MYO10: variants seen among roughly 807,000 people sequenced by gnomAD.
The protein encoded by MYO10 is myosin X.
A neutral mutation model predicts 257.3 loss-of-function variants in MYO10; 133 were observed. The observed-to-expected ratio is 0.52, with a 90% CI of 0.45 to 0.60. MYO10 has a LOEUF of 0.60. Among genes scored for constraint, MYO10 ranks in the 20% least tolerant of loss-of-function variants. MYO10 has a pLI of 0.00. For synonymous variants in MYO10, 1,104 were observed against 1,028.6 expected, an observed-to-expected ratio of 1.07 and a Z score of -1.40; for missense variants, 2,399 against 2,635.7, an observed-to-expected ratio of 0.91 and a Z score of 1.97.
intron 2 of MYO10, among the ~76,000 whole-genome samples, chr5:16,848,259 A>G (rs1176384571): frequency 6.7e-6 from 1 of 149,344 alleles, no homozygotes; most frequent in Non-Finnish European, 1.5e-5. Flanking sequence ...CCTGGGTTCA[A>G]GCAATTCTCC....
chr5:16,742,188 T>C, intron 19 of MYO10: 1 of 985,418 alleles, frequency 1.0e-6, no homozygotes, highest in African/African-American at 1.7e-5. Flanking sequence ...AGTTGTGATC[T>C]TGGAAAATCC....
In MYO10 at chr5:16,734,803, C is replaced by T. The variant is rs563845347; in HGVS notation, c.1929+20025G>A. Among the ~76,000 whole-genome samples, 21 of 142,448 alleles carry T rather than the reference C, an allele frequency of 1.5e-4. No individual in the cohort carries two copies. The Middle Eastern group carries it at 0.01, about 70-fold the overall frequency. 93.5% of individuals were successfully genotyped at this position (142,448 alleles called of 152,430 possible). A position where few individuals can be genotyped will look rare whatever the true frequency, so the allele number is the denominator to read the frequency against. Reference sequence around the variant, plus strand: ...CTGGGTGACAAGCACGAAACTCTGTCTCAAAAAAAAAAAAAAGACTCCAAT... The same window carrying T: ...CTGGGTGACAAGCACGAAACTCTGTTTCAAAAAAAAAAAAAAGACTCCAAT... On this transcript the variant is annotated intron_variant, in intron 19 of 40. Coordinates refer to ENST00000513610, the MANE Select transcript of MYO10 (RefSeq NM_012334.3).
intron 2 of MYO10, among the ~76,000 whole-genome samples, chr5:16,837,665 CAT>C (rs1217817551): frequency 6.6e-6 from 1 of 152,148 alleles, no homozygotes; most frequent in Admixed American, 6.6e-5. Flanking sequence ...TTTTAATACA[CAT>C]GAGTTAGGCA....
intron 1 of MYO10, chr5:16,902,318 TGGGGCAGCACCCGC>T: frequency 1.1e-6 from 1 of 899,166 alleles, no homozygotes; most frequent in Non-Finnish European, 1.8e-6. Flanking sequence ...GTAGGGGACA[TGGGGCAGCACCCGC>T]AGTTCTAAAT....
chr5:16,818,581 G>T (rs1742711024), intron 2 of MYO10, among the ~76,000 whole-genome samples: 1 of 145,952 alleles, frequency 6.9e-6, no homozygotes. Flanking sequence ...CTACAGGCAT[G>T]TGCCACCAGC....
At chr5:16,719,750 G>A (rs187704596) in intron 19 of MYO10, among the ~76,000 whole-genome samples, 59 of 152,190 alleles carry the variant, frequency 3.9e-4, no homozygotes, top group African/African-American at 1.3e-3. Context: ...GATCACCAGA[G>A]GTCAGGAGTT....
In MYO10 at chr5:16,681,494, T is replaced by A; in HGVS notation, c.4199A>T (p.His1400Leu). 1 of 1,600,632 alleles carries A rather than the reference T, an allele frequency of 6.2e-7. No homozygotes were observed. Among genetic ancestry groups the A allele is most frequent in the Non-Finnish European group, 8.5e-7 (1 of 1,176,356 alleles). Residue 1400 changes from histidine (H) to leucine (L), a missense_variant, in exon 32 of 41, where the codon CAC (histidine) becomes CTC (leucine). His to Leu is a moderately conservative substitution (Grantham distance 99, BLOSUM62 -3). Coordinates refer to ENST00000513610, the MANE Select transcript of MYO10 (RefSeq NM_012334.3). ...GQEFIVRGWL[H>L]KEVKNSPKMS... ...CTTTGGACTGTTCTTCACCTCTTTG[T>A]GCAACCATCCTGGAAAAAAAGATTA... is the stretch of plus-strand genomic sequence containing the variant.
rs1402363561 is a variant in MYO10, at chr5:16,813,344, G to GTTTTTTAAA, written c.279+4664_279+4665insTTTAAAAAA. On this transcript the variant is annotated intron_variant, in intron 3 of 40. Coordinates refer to ENST00000513610, the MANE Select transcript of MYO10 (RefSeq NM_012334.3). The stretch of plus-strand genomic sequence containing the variant: ...AGACCAGCCTGTGCAACATAGCAAT[G>GTTTTTTAAA]TTTTATAAATTTAAAAAAATTAAAA... Among the ~76,000 whole-genome samples, 7 of 151,876 alleles carry GTTTTTTAAA rather than the reference G, an allele frequency of 4.6e-5. No individual in the cohort carries two copies. The East Asian group carries it at 1.4e-3, about 29-fold the overall frequency.
intron 2 of MYO10, among the ~76,000 whole-genome samples, chr5:16,867,041 C>T (rs1039795561): frequency 3.3e-5 from 5 of 152,208 alleles, no homozygotes; most frequent in Non-Finnish European, 7.3e-5. Context: ...GCAGTGGGAC[C>T]GTGCTCCTGC....
chr5:16,738,523 C>T, intron 19 of MYO10: 2 of 442,156 alleles, frequency 4.5e-6, no homozygotes, highest in Non-Finnish European at 6.0e-6. Flanking sequence ...CCCTTCTCAG[C>T]AGGTGTATGT....
chr5:16,835,492 G>GGTTTTTTTTTTTTTTTTTTTTTTT (rs1554001243), intron 2 of MYO10, among the ~76,000 whole-genome samples: 1 of 81,060 alleles, frequency 1.2e-5, no homozygotes. Flanking sequence ...ATTTTTGGCT[G>GGTTTTTTTTTTTTTTTTTTTTTTT]TTTTTTTTTT....
chr5:16,915,784 A>G (rs1745798548), intron 1 of MYO10, among the ~76,000 whole-genome samples: 1 of 152,058 alleles, frequency 6.6e-6, no homozygotes. Context: ...GGCAAAACCC[A>G]GTCTCCAATA....
chr5:16,720,136 G>A (rs1414121052), intron 19 of MYO10, among the ~76,000 whole-genome samples: 1 of 151,942 alleles, frequency 6.6e-6, no homozygotes, highest in Non-Finnish European at 1.5e-5. Context: ...ACAAATGCAG[G>A]CCCTTCCCAG....
intron 28 of MYO10, among the ~76,000 whole-genome samples, chr5:16,689,441 C>A (rs1239248300): frequency 1.3e-5 from 2 of 152,120 alleles, no homozygotes; most frequent in Non-Finnish European, 2.9e-5. Context: ...CTGCTCCCTG[C>A]CCTTTTTCGT....
At chr5:16,689,795 G>A in intron 28 of MYO10, 29 bp downstream of exon 28, 4 of 1,546,262 alleles carry the variant, frequency 2.6e-6, no homozygotes, top group Non-Finnish European at 3.6e-6. Context: ...CAGGATGTGG[G>A]TAACACAAAG....
intron 18 of MYO10, among the ~76,000 whole-genome samples, chr5:16,756,734 G>C (rs1349593075): frequency 6.6e-6 from 1 of 151,964 alleles, no homozygotes; most frequent in Non-Finnish European, 1.5e-5. Flanking sequence ...TCCTGCCTTC[G>C]CCTGCACCTG....
At chr5:16,710,145 A>G (rs1228724251) in intron 21 of MYO10, among the ~76,000 whole-genome samples, 1 of 152,178 alleles carries the variant, frequency 6.6e-6, no homozygotes, top group Non-Finnish European at 1.5e-5. Flanking sequence ...AGCGGGAATG[A>G]GGATTCACTC....
intron 2 of MYO10, among the ~76,000 whole-genome samples, chr5:16,854,699 A>G (rs752721998): frequency 1.3e-5 from 2 of 152,218 alleles, no homozygotes; most frequent in Non-Finnish European, 2.9e-5. Context: ...GGTGAATTAT[A>G]TCACAATCAA....
chr5:16,685,684 TCCCCGTCCCTGCCCCTAGACGCCCCA>T, intron 29 of MYO10, 28 bp downstream of exon 29: 1 of 1,238,682 alleles, frequency 8.1e-7, no homozygotes, highest in Non-Finnish European at 1.2e-6. Context: ...CCTGACGCCC[TCCCCGTCCCTGCCCCTAGACGCCCCA>T]CCCCCATCCC....
Sources: gnomAD v4.1 joint callset for allele counts (sites outside exome capture counted in the v4.1 genomes callset) on GRCh38, gnomAD v4.1.1 for gene constraint, MANE v1.5 for transcripts, NCBI Gene and HGNC (gene_info 2026-07-23, HGNC 2026-07-21) for gene names.